Variants in ST7 observed in about 807,000 individuals in gnomAD.
ST7 encodes the protein suppression of tumorigenicity 7.
ST7 carries 28 observed loss-of-function variants against 78.7 expected under a neutral mutation model. The observed-to-expected ratio is 0.36, with a 90% CI of 0.26 to 0.49. ST7 has a LOEUF of 0.49. ST7 is among the 20% of genes least tolerant of loss of function. The pLI is 0.99. For synonymous variants in ST7, 247 were observed against 249.6 expected (o/e 0.99, Z 0.10); for missense variants, 418 against 696.0 (o/e 0.60, Z 4.49).
At chr7:117,130,647 T>G (rs745513930) in intron 5 of ST7, 41 bp downstream of exon 5, 2 of 1,488,920 alleles carry the variant, frequency 1.3e-6, no homozygotes, top group Non-Finnish European at 1.9e-6. Flanking sequence ...GGAGGGCTTT[T>G]TGGCTTAAGT....
intron 1 of ST7, among the ~76,000 whole-genome samples, chr7:117,050,420 C>T (rs1182859439): frequency 6.6e-6 from 1 of 152,172 alleles, no homozygotes; most frequent in Non-Finnish European, 1.5e-5. Flanking sequence ...GCATGCACTA[C>T]AGTTAATTTT....
At chr7:117,009,258 T>G (rs10266577) in intron 1 of ST7, among the ~76,000 whole-genome samples, 3 of 10,302 alleles carry the variant, frequency 2.9e-4, no homozygotes, top group East Asian at 2.3e-3. Flanking sequence ...TTTTTTTTTG[T>G]TTTTTTTTTT....
intron 1 of ST7, among the ~76,000 whole-genome samples, chr7:117,045,427 C>T (rs961972416): frequency 5.3e-5 from 8 of 152,168 alleles, no homozygotes; most frequent in East Asian, 3.9e-4. Flanking sequence ...AGGGACTTTG[C>T]GCTTCATGGT....
intron 1 of ST7, among the ~76,000 whole-genome samples, chr7:117,097,729 T>C (rs1389524064): frequency 6.7e-6 from 1 of 150,072 alleles, no homozygotes; most frequent in African/African-American, 2.5e-5. Flanking sequence ...AGTTATAAGC[T>C]GTAGGGGTGT....
chr7:117,042,373 A>G lies in ST7; in HGVS notation c.152-57389A>G, dbSNP rs563188012. Among the ~76,000 whole-genome samples the G allele has an allele frequency of 2.0e-5, 3 of 152,334 alleles. No homozygotes were observed. The East Asian group carries it at 5.8e-4, about 29-fold the overall frequency. ...TATATTTGCAGCAGAAATTCCCCAA[A>G]ATGGAGTTGATAGATCAGTTTATAA... On this transcript the variant is annotated intron_variant, in intron 1 of 15. Transcript: ENST00000323984.
chr7:117,116,835 A>G lies in ST7; in HGVS notation c.235-2726A>G, dbSNP rs184672795. ...ATACTGGGTAGAAGGTCTATCACCT[A>G]TTACAAAGCAAATGTCCAGTTAATA... On this transcript the variant is annotated intron_variant, in intron 2 of 15. Transcript: ENST00000323984. Among the ~76,000 whole-genome samples the G allele has an allele frequency of 2.2e-4, 33 of 152,322 alleles. No individual in the cohort carries two copies. In the East Asian group the frequency reaches 6.0e-3, roughly 28 times the overall value.
intron 1 of ST7, among the ~76,000 whole-genome samples, chr7:117,033,701 G>T (rs777639396): frequency 2.6e-5 from 4 of 152,192 alleles, no homozygotes; most frequent in Non-Finnish European, 5.9e-5. Context: ...TGGGATTACA[G>T]GCGTGAGCCA....
At chr7:117,195,232 T>C (rs1810198144) in intron 12 of ST7, among the ~76,000 whole-genome samples, 1 of 152,052 alleles carries the variant, frequency 6.6e-6, no homozygotes, top group South Asian at 2.1e-4. Context: ...TGAGGGGGGA[T>C]TATCAGATTT....
intron 12 of ST7, among the ~76,000 whole-genome samples, chr7:117,197,876 G>C (rs1053642262): frequency 6.6e-6 from 1 of 152,132 alleles, no homozygotes. Flanking sequence ...TTGAGTCTAG[G>C]AGTTTGAGAC....
chr7:117,005,661 A>G (rs1047053801), intron 1 of ST7, among the ~76,000 whole-genome samples: 11 of 152,326 alleles, frequency 7.2e-5, no homozygotes, highest in South Asian at 4.1e-4. Context: ...AAGATGTAGT[A>G]TGCTGAATTC....
intron 1 of ST7, among the ~76,000 whole-genome samples, chr7:117,046,244 A>G (rs760718078): frequency 1.1e-4 from 17 of 152,122 alleles, no homozygotes; most frequent in Non-Finnish European, 2.1e-4. Context: ...TTCCCGCAGC[A>G]TATAAGACGC....
At chr7:117,223,430 G>A (rs1356683512) in intron 15 of ST7, 2 of 177,798 alleles carry the variant, frequency 1.1e-5, no homozygotes, top group African/African-American at 4.8e-5. Context: ...TGTTCAGCAT[G>A]GCATCCAAGA....
intron 10 of ST7, among the ~76,000 whole-genome samples, chr7:117,185,433 A>G (rs773102346): frequency 2.6e-5 from 4 of 152,224 alleles, no homozygotes; most frequent in Non-Finnish European, 4.4e-5. Context: ...CTTTGGAAAT[A>G]CAGATAAACA....
intron 1 of ST7, among the ~76,000 whole-genome samples, chr7:117,099,066 C>CAAAAAAAAAAAAA (rs55999217): frequency 1.1e-5 from 1 of 94,540 alleles, no homozygotes. Flanking sequence ...AAAAAAAAAA[C>CAAAAAAAAAAAAA]AAAAAAAAAA....
chr7:117,222,922 G>A (rs35196356), intron 15 of ST7: 22 of 1,614,082 alleles, frequency 1.4e-5, no homozygotes, highest in East Asian at 6.7e-5. Context: ...ATTTTCATGC[G>A]TGTTGAAGAT....
At chr7:116,970,598 G>A (rs935695026) in intron 1 of ST7, among the ~76,000 whole-genome samples, 8 of 152,202 alleles carry the variant, frequency 5.3e-5, no homozygotes, top group African/African-American at 1.7e-4. Context: ...GCACTCCATC[G>A]TCATGACCTA....
intron 1 of ST7, chr7:116,956,552 C>A (rs772513635): frequency 2.1e-6 from 1 of 471,164 alleles, no homozygotes; most frequent in Non-Finnish European, 4.4e-6. Context: ...CCAAAGACAC[C>A]ATCACAATCA....
At chr7:116,972,334 G>A in intron 1 of ST7, 1 of 601,758 alleles carries the variant, frequency 1.7e-6, no homozygotes, top group South Asian at 1.7e-5. Flanking sequence ...GAATTTATCA[G>A]TAAGAATCTT....
chr7:117,077,536 G>C (rs1263142832), intron 1 of ST7, among the ~76,000 whole-genome samples: 1 of 152,182 alleles, frequency 6.6e-6, no homozygotes, highest in Non-Finnish European at 1.5e-5. Context: ...CTAAAGGACT[G>C]TCCTCAAACC....
Sources: allele counts gnomAD v4.1 joint callset (sites outside exome capture counted in the v4.1 genomes callset), GRCh38; gene constraint gnomAD v4.1.1; transcripts MANE v1.5; gene names NCBI Gene and HGNC (gene_info 2026-07-23, HGNC 2026-07-21).